DGAT2: variants seen among roughly 807,000 people sequenced by gnomAD.
DGAT2 encodes acyl-CoA retinol O-fatty-acyltransferase.
A neutral mutation model predicts 48.4 loss-of-function variants in DGAT2; 33 were observed. That is an observed-to-expected ratio of 0.68 (90% confidence interval 0.52 to 0.91). The LOEUF (loss-of-function observed/expected upper bound fraction) is 0.91, where lower values mean the gene tolerates loss of function less well. DGAT2 is among the 40% of genes least tolerant of loss of function. The pLI, the probability that DGAT2 is intolerant of heterozygous loss-of-function variation, is 0.00. For synonymous variants in DGAT2, 191 were observed against 194.1 expected (o/e 0.98, Z 0.13); for missense variants, 446 against 493.7 (o/e 0.90, Z 0.92).
chr11:75,793,433 G>A (rs1266949898), intron 4 of DGAT2: 3 of 152,362 alleles, frequency 2.0e-5, no homozygotes, highest in East Asian at 3.9e-4. Context: ...AGCCACCTGG[G>A]GCCCACTGGG....
intron 2 of DGAT2, among the ~76,000 whole-genome samples, chr11:75,785,530 A>C (rs1433545788): frequency 1.3e-5 from 2 of 152,228 alleles, no homozygotes; most frequent in Non-Finnish European, 2.9e-5. Context: ...CATCCAGGCC[A>C]GGGGCAGGAC....
chr11:75,776,318 C>T (rs1590864348), intron 1 of DGAT2: 1 of 152,254 alleles, frequency 6.6e-6, no homozygotes, highest in African/African-American at 2.4e-5. Flanking sequence ...TGCTGAGCAC[C>T]AGGGCCCAGA....
intron 6 of DGAT2, among the ~76,000 whole-genome samples, chr11:75,797,561 G>T (rs757669839): frequency 3.3e-5 from 5 of 152,224 alleles, no homozygotes; most frequent in Non-Finnish European, 7.3e-5. Flanking sequence ...GCCCTTGCAG[G>T]TGGGCCGAGA....
intron 4 of DGAT2, chr11:75,794,969 C>T (rs12798387): frequency 0.4 from 53,935 of 135,794 alleles, 13,166 homozygotes; most frequent in Middle Eastern, 0.55. Flanking sequence ...CCCTCTCCTC[C>T]GTTCCTCTGC....
In DGAT2 at chr11:75,790,604, C is replaced by T. The variant is rs1011213559; in HGVS notation, c.359-57C>T. ...GGGTTTCACACTGGCCCTGTCTTGT[C>T]TGCCTTGCCCAAATGTACCCCCACC... On this transcript the variant is annotated intron_variant, in intron 3 of 7. Transcript: ENST00000228027. The T allele has an allele frequency of 7.1e-6, 11 of 1,548,510 alleles. No homozygotes were observed. The African/African-American group carries it at 1.2e-4, about 17-fold the overall frequency.
chr11:75,777,653 C>T (rs527296740), intron 1 of DGAT2, among the ~76,000 whole-genome samples: 9 of 152,118 alleles, frequency 5.9e-5, no homozygotes, highest in South Asian at 2.1e-4. Context: ...TCCTGACTCT[C>T]GGCCCCTGTT....
chr11:75,785,978 T>C (rs1010346464), intron 2 of DGAT2, among the ~76,000 whole-genome samples: 1 of 152,224 alleles, frequency 6.6e-6, no homozygotes, highest in African/African-American at 2.4e-5. Flanking sequence ...CCAGAATTAG[T>C]GAACTGGGGC....
chr11:75,790,553 G>A, intron 3 of DGAT2, 108 bp from the exon 4 acceptor site: 1 of 1,034,632 alleles, frequency 9.7e-7, no homozygotes. Flanking sequence ...AGGGGGCATG[G>A]TGCATGGGGT....
At chr11:75,781,345 G>A (rs891118452) in intron 1 of DGAT2, among the ~76,000 whole-genome samples, 11 of 152,240 alleles carry the variant, frequency 7.2e-5, no homozygotes, top group African/African-American at 2.7e-4. Flanking sequence ...GGTAAGCAAA[G>A]CAGGGAAGGG....
In DGAT2 at chr11:75,797,297, C is replaced by T. The variant is rs762240965; in HGVS notation, c.774C>T (p.Asn258=). Residue 258 remains asparagine, a synonymous_variant, in exon 6 of 8, where the codon AAC becomes AAT. Coordinates refer to ENST00000228027, the MANE Select transcript of DGAT2 (RefSeq NM_032564.5). ...MPGKNAVTLR[N]RKGFVKLALR... ...GCAAGAATGCAGTCACCCTGCGGAA[C>T]CGCAAGGGCTTTGTGAAACTGGCCC... 1.5e-5 allele frequency: 23 copies of T among 1,549,030 alleles called. No individual in the cohort carries two copies. The highest frequency in any genetic ancestry group is 2.5e-5 in the South Asian group (2 of 81,242).
chr11:75,796,203 C>G (rs1377848587), intron 4 of DGAT2, 125 bp from the exon 5 acceptor site: 1 of 778,436 alleles, frequency 1.3e-6, no homozygotes, highest in Admixed American at 2.1e-5. Flanking sequence ...TGTGGAGATT[C>G]ATTGCAGCCC....
chr11:75,800,956 A>AG lies in DGAT2; in HGVS notation c.*452dup. The AG allele has an allele frequency of 5.5e-6, 1 of 180,752 alleles. No homozygotes were observed. The highest frequency in any genetic ancestry group is 1.2e-5 in the Non-Finnish European group (1 of 86,284). 11.2% of individuals were successfully genotyped at this position (180,752 alleles called of 1,614,324 possible). On this transcript the variant is annotated 3_prime_UTR_variant, in exon 8 of 8. Transcript: ENST00000228027. Reference sequence around the variant, plus strand: ...AACTGCAGGACCAGTTTCTCTGCCAAGGGGAGGAGTTGGAGAGCACAGTTG... The same window carrying AG: ...AACTGCAGGACCAGTTTCTCTGCCAAGGGGGAGGAGTTGGAGAGCACAGTTG...
chr11:75,797,271 G>A lies in DGAT2; in HGVS notation c.748G>A (p.Gly250Ser), dbSNP rs2135780848. The part of the protein sequence containing the change: ...GAAESLSSMP[G>S]KNAVTLRNRK... ...GGCTGAGTCTCTGAGCTCCATGCCTGGCAAGAATGCAGTCACCCTGCGGAA... is the reference window on the plus strand; with the variant it reads ...GGCTGAGTCTCTGAGCTCCATGCCTAGCAAGAATGCAGTCACCCTGCGGAA... The change falls in exon 6 of 8, where the codon GGC (glycine) becomes AGC (serine). Residue 250 changes from glycine to serine, a missense_variant. By Grantham distance (56) the Gly-to-Ser change is moderately conservative (BLOSUM62 0). Coordinates refer to ENST00000228027, the MANE Select transcript of DGAT2 (RefSeq NM_032564.5). 2 of 1,576,004 alleles carry A rather than the reference G, an allele frequency of 1.3e-6. 1 individual carries two copies. Among genetic ancestry groups the A allele is most frequent in the South Asian group, 2.3e-5 (2 of 85,828 alleles).
At chr11:75,795,335 T>C (rs1945039327) in intron 4 of DGAT2, 1 of 152,196 alleles carries the variant, frequency 6.6e-6, no homozygotes, top group Admixed American at 6.5e-5. Flanking sequence ...CTATTATTTT[T>C]CTAATCAGAA....
intron 1 of DGAT2, among the ~76,000 whole-genome samples, chr11:75,782,025 G>A (rs896150256): frequency 7.2e-5 from 11 of 152,206 alleles, no homozygotes; most frequent in African/African-American, 2.4e-4. Context: ...TGGCCCTGGC[G>A]TCAAGGTAGG....
At chr11:75,791,268 C>A (rs1054600924) in intron 4 of DGAT2, among the ~76,000 whole-genome samples, 2 of 152,180 alleles carry the variant, frequency 1.3e-5, no homozygotes, top group African/African-American at 4.8e-5. Context: ...TGACTGAGAT[C>A]CTGGTGTGTT....
Position 75,768,954 on chromosome 11 carries a change from C to A in DGAT2, c.-38C>A. The A allele has an allele frequency of 6.9e-7, 1 of 1,442,816 alleles. No individual in the cohort carries two copies. Among genetic ancestry groups the A allele is most frequent in the South Asian group, 1.4e-5 (1 of 70,920 alleles). The allele number at this position is 1,442,816 out of a possible 1,614,324, so 89.4% of individuals were successfully genotyped here. A position where few individuals can be genotyped will look rare whatever the true frequency, so the allele number is the denominator to read the frequency against. ...CATGGGCCAGGGGCGCGGGGTGAAG[C>A]GGCTTCCCGCGGGGCCGTGACTGGG... is the stretch of plus-strand genomic sequence containing the variant. On this transcript the variant is annotated 5_prime_UTR_variant, in exon 1 of 8. Transcript: ENST00000228027.
chr11:75,772,027 T>C (rs1944762747), intron 1 of DGAT2, among the ~76,000 whole-genome samples: 1 of 152,116 alleles, frequency 6.6e-6, no homozygotes, highest in South Asian at 2.1e-4. Context: ...AGGCTAGAAC[T>C]CAGATCCATC....
chr11:75,791,243 G>T (rs1333408467), intron 4 of DGAT2, among the ~76,000 whole-genome samples: 1 of 152,202 alleles, frequency 6.6e-6, no homozygotes, highest in East Asian at 1.9e-4. Flanking sequence ...GTGTATATTT[G>T]CTGTTGTGAG....
Sources: gnomAD v4.1 joint callset for allele counts (sites outside exome capture counted in the v4.1 genomes callset) on GRCh38, gnomAD v4.1.1 for gene constraint, MANE v1.5 for transcripts, NCBI Gene and HGNC (gene_info 2026-07-23, HGNC 2026-07-21) for gene names.